The following CHCHD6 variants were observed in gnomAD, a reference collection of about 807,000 sequenced individuals.
CHCHD6 encodes MICOS complex subunit MIC25.
Under a neutral mutation model 32.3 loss-of-function variants are expected in CHCHD6, and 28 were observed. The observed-to-expected ratio is 0.87, with a 90% CI of 0.64 to 1.19. The LOEUF (loss-of-function observed/expected upper bound fraction) is 1.19, where lower values mean the gene tolerates loss of function less well. Ranked by LOEUF, CHCHD6 falls within the 50% of genes most tolerant of loss-of-function variation. CHCHD6 has a pLI of 0.00. For missense variants in CHCHD6, 333 were observed against 307.0 expected, an observed-to-expected ratio of 1.08 and a Z score of -0.63; for synonymous variants, 122 against 117.5, an observed-to-expected ratio of 1.04 and a Z score of -0.25.
At chr3:126,721,665 G>C (rs1935300785) in intron 1 of CHCHD6, among the ~76,000 whole-genome samples, 1 of 152,038 alleles carries the variant, frequency 6.6e-6, no homozygotes, top group Non-Finnish European at 1.5e-5. Context: ...AGGTATGTGT[G>C]ACCATTGCCA....
intron 4 of CHCHD6, among the ~76,000 whole-genome samples, chr3:126,831,953 G>T (rs1287213622): frequency 6.6e-6 from 1 of 152,154 alleles, no homozygotes. Flanking sequence ...ATCTTCCCTG[G>T]AGCAAGGGAT....
At position 126,821,188 on chromosome 3, in the gene CHCHD6, G is replaced by A. The variant is rs147661228; in HGVS notation, c.412-31459G>A. ...CCTTTTGATGGCTGAATAATATTCT[G>A]TTGTATAGATAGACCACATTTTATT... On this transcript the variant is annotated intron_variant, in intron 4 of 7. Coordinates refer to ENST00000290913, the MANE Select transcript of CHCHD6 (RefSeq NM_032343.3). Among the ~76,000 whole-genome samples, 53 of 152,272 alleles carry A rather than the reference G, an allele frequency of 3.5e-4. 1 individual carries two copies. The East Asian group carries it at 0.01, about 29-fold the overall frequency.
intron 5 of CHCHD6, among the ~76,000 whole-genome samples, chr3:126,860,624 A>G (rs964487050): frequency 6.6e-6 from 1 of 152,224 alleles, no homozygotes; most frequent in Non-Finnish European, 1.5e-5. Flanking sequence ...TCACAAGGTT[A>G]GGCTGAAGAA....
chr3:126,824,560 C>CAAAAAAAAAA (rs71150454), intron 4 of CHCHD6, among the ~76,000 whole-genome samples: 3,542 of 39,910 alleles, frequency 0.089, 786 homozygotes, highest in South Asian at 0.22. Context: ...GACTCTGTCT[C>CAAAAAAAAAA]AAAAAAAAAA....
chr3:126,827,459 G>C lies in CHCHD6; in HGVS notation c.412-25188G>C, dbSNP rs115522615. 5.5e-3 allele frequency among the ~76,000 whole-genome samples: 837 copies of C among 152,312 alleles called. 1 individual carries two copies. Among genetic ancestry groups the C allele is most frequent in the Non-Finnish European group, 9.3e-3 (632 of 68,022 alleles). On this transcript the variant is annotated intron_variant, in intron 4 of 7. Transcript: ENST00000290913. ...GTCCACATGAGGTTGCCTTGGTGGA[G>C]GGAAGGATGGAGGGCCCATCTGACT... is the stretch of plus-strand genomic sequence containing the variant.
At chr3:126,865,070 C>CACT in intron 5 of CHCHD6, among the ~76,000 whole-genome samples, 1 of 127,034 alleles carries the variant, frequency 7.9e-6, no homozygotes, top group Non-Finnish European at 1.5e-5. Flanking sequence ...CCTCCTTTTC[C>CACT]ACCACCTCCA....
At chr3:126,772,105 G>GT (rs1356691040) in intron 4 of CHCHD6, among the ~76,000 whole-genome samples, 3 of 152,068 alleles carry the variant, frequency 2.0e-5, no homozygotes, top group African/African-American at 2.4e-5. Context: ...CTCTTCATAG[G>GT]TTTTTTGTTT....
At chr3:126,757,765 C>A (rs1247831726) in intron 4 of CHCHD6, among the ~76,000 whole-genome samples, 1 of 152,138 alleles carries the variant, frequency 6.6e-6, no homozygotes, top group Non-Finnish European at 1.5e-5. Context: ...TGAGCACCTA[C>A]GTACCACAGA....
At chr3:126,869,885 A>G (rs2077441968) in intron 5 of CHCHD6, among the ~76,000 whole-genome samples, 1 of 152,240 alleles carries the variant, frequency 6.6e-6, no homozygotes, top group Non-Finnish European at 1.5e-5. Context: ...CCAATTAAGC[A>G]GTCACATTCA....
chr3:126,725,265 C>A (rs1935478870), intron 1 of CHCHD6, among the ~76,000 whole-genome samples: 1 of 152,194 alleles, frequency 6.6e-6, no homozygotes, highest in African/African-American at 2.4e-5. Flanking sequence ...TGTTAGGAGG[C>A]ATGAAAATAA....
rs117943765 is a variant in CHCHD6 at position 126,874,265 on chromosome 3, A to G, written c.495+21535A>G. On this transcript the variant is annotated intron_variant, in intron 5 of 7. Transcript: ENST00000290913. ...TCCTTACAGCTGTGTTCCTGCTCTC[A>G]GGACCAGTTAAAAGTGTTCATGGTA... Among the ~76,000 whole-genome samples, 565 of 152,356 alleles carry G rather than the reference A, an allele frequency of 3.7e-3. 8 individuals are homozygous for G. The East Asian group carries it at 0.064, about 17-fold the overall frequency.
chr3:126,763,029 A>T (rs551061699), intron 4 of CHCHD6, among the ~76,000 whole-genome samples: 2 of 152,250 alleles, frequency 1.3e-5, no homozygotes, highest in East Asian at 3.9e-4. Context: ...CATTTAAAGT[A>T]ATTATTGAGA....
intron 6 of CHCHD6, among the ~76,000 whole-genome samples, chr3:126,930,073 CTAA>C: frequency 6.6e-6 from 1 of 152,324 alleles, no homozygotes; most frequent in African/African-American, 2.4e-5. Flanking sequence ...AGGATCCTCT[CTAA>C]TAATGTAGGA....
At chr3:126,837,429 G>A (rs1576475011) in intron 4 of CHCHD6, among the ~76,000 whole-genome samples, 1 of 152,148 alleles carries the variant, frequency 6.6e-6, no homozygotes, top group South Asian at 2.1e-4. Context: ...CAAGCATGGT[G>A]TGTTTGTAGT....
intron 6 of CHCHD6, among the ~76,000 whole-genome samples, chr3:126,941,864 C>T (rs769630195): frequency 2.0e-4 from 31 of 152,174 alleles, no homozygotes; most frequent in Admixed American, 1.5e-3. Flanking sequence ...ACACTGCTGC[C>T]GATGAGGAAA....
At position 126,776,321 on chromosome 3, in the gene CHCHD6, A is replaced by G. The variant is rs142629170; in HGVS notation, c.411+43099A>G. On this transcript the variant is annotated intron_variant, in intron 4 of 7. Coordinates refer to ENST00000290913, the MANE Select transcript of CHCHD6 (RefSeq NM_032343.3). Reference sequence around the variant, plus strand: ...CAGAATTGGATATAAAGTTGTATATATGTACTTCACAGGGGAGACAGGGTG... The same window carrying G: ...CAGAATTGGATATAAAGTTGTATATGTGTACTTCACAGGGGAGACAGGGTG... Among the ~76,000 whole-genome samples, 398 of 152,316 alleles carry G rather than the reference A, an allele frequency of 2.6e-3. 1 individual carries two copies. Among genetic ancestry groups the G allele is most frequent in the African/African-American group, 9.0e-3 (376 of 41,556 alleles).
intron 5 of CHCHD6, among the ~76,000 whole-genome samples, chr3:126,905,684 G>C (rs1443027958): frequency 1.3e-5 from 2 of 152,126 alleles, no homozygotes; most frequent in East Asian, 3.9e-4. Flanking sequence ...GTGCGTCCTT[G>C]TGTTTGTCCA....
chr3:126,768,583 C>T (rs1441648560), intron 4 of CHCHD6, among the ~76,000 whole-genome samples: 2 of 152,142 alleles, frequency 1.3e-5, no homozygotes, highest in African/African-American at 4.8e-5. Context: ...TGGGTATATA[C>T]CCAATAATGA....
At position 126,730,619 on chromosome 3, in the gene CHCHD6, G is replaced by T; in HGVS notation, c.255G>T (p.Glu85Asp). ...GCCAGCAGCCCTCAGGGATGAAGGA[G>T]GGTGTCAAGAGGTGAGCCCGAGAGC... is the stretch of plus-strand genomic sequence containing the variant. ...SGGQQPSGMK[E>D]GVKRYEQEHA... Residue 85 changes from glutamate to aspartate, a missense_variant, in exon 3 of 8, where the codon GAG becomes GAT. Physicochemically the swap from Glu to Asp is conservative, Grantham distance 45 (BLOSUM62 2). Coordinates refer to ENST00000290913, the MANE Select transcript of CHCHD6 (RefSeq NM_032343.3). The T allele has an allele frequency of 6.2e-7, 1 of 1,613,840 alleles. No individual in the cohort carries two copies. The highest frequency in any genetic ancestry group is 1.1e-5 in the South Asian group (1 of 91,040).
Sources: gnomAD v4.1 joint callset for allele counts (sites outside exome capture counted in the v4.1 genomes callset) on GRCh38, gnomAD v4.1.1 for gene constraint, MANE v1.5 for transcripts, NCBI Gene and HGNC (gene_info 2026-07-23, HGNC 2026-07-21) for gene names.